The following ZBTB20 variants were observed in gnomAD, a reference collection of about 807,000 sequenced individuals.
ZBTB20 encodes the protein zinc finger and BTB domain-containing protein 20.
Under a neutral mutation model 56.9 loss-of-function variants are expected in ZBTB20, and 9 were observed. The ratio of observed to expected loss-of-function variants is 0.16; its 90% CI spans 0.10 to 0.28. The LOEUF is 0.28. Ranked by LOEUF, ZBTB20 falls within the 10% of genes least tolerant of loss-of-function variation. The pLI is 1.00. For missense variants in ZBTB20, 655 were observed against 1,003.0 expected, an observed-to-expected ratio of 0.65 and a Z score of 4.69; for synonymous variants, 417 against 420.7, an observed-to-expected ratio of 0.99 and a Z score of 0.11.
chr3:114,891,281 C>T (rs1467805254), intron 4 of ZBTB20, among the ~76,000 whole-genome samples: 1 of 152,042 alleles, frequency 6.6e-6, no homozygotes, highest in Non-Finnish European at 1.5e-5. Context: ...AATAGACTGC[C>T]TAACTTAAAA....
At chr3:114,467,946 C>T (rs971222683) in intron 7 of ZBTB20, among the ~76,000 whole-genome samples, 6 of 152,204 alleles carry the variant, frequency 3.9e-5, no homozygotes, top group African/African-American at 1.4e-4. Flanking sequence ...GCACTCCTTC[C>T]TATGGTTGGC....
At chr3:115,123,932 C>T (rs923311055) in intron 1 of ZBTB20, among the ~76,000 whole-genome samples, 4 of 152,112 alleles carry the variant, frequency 2.6e-5, no homozygotes, top group African/African-American at 7.2e-5. Flanking sequence ...TAGCACTACC[C>T]GAATAAACCC....
At chr3:114,997,762 C>T (rs1297607535) in intron 2 of ZBTB20, among the ~76,000 whole-genome samples, 2 of 151,688 alleles carry the variant, frequency 1.3e-5, no homozygotes, top group Non-Finnish European at 2.9e-5. Context: ...TTTTACAAAA[C>T]TTCATGAAAA....
chr3:115,058,440 T>C (rs1475779452), intron 2 of ZBTB20, among the ~76,000 whole-genome samples: 1 of 152,112 alleles, frequency 6.6e-6, no homozygotes, highest in Non-Finnish European at 1.5e-5. Context: ...TTTGAAATAT[T>C]TTCAGTGGCC....
chr3:114,397,573 A>G (rs1313053295), intron 7 of ZBTB20, among the ~76,000 whole-genome samples: 1 of 117,204 alleles, frequency 8.5e-6, no homozygotes, highest in Non-Finnish European at 1.9e-5. Flanking sequence ...ATCACCACAT[A>G]CCTTTTTTTT....
At chr3:114,675,579 A>G (rs1398379813) in intron 6 of ZBTB20, among the ~76,000 whole-genome samples, 1 of 152,196 alleles carries the variant, frequency 6.6e-6, no homozygotes, top group Non-Finnish European at 1.5e-5. Context: ...AGAAAAATCA[A>G]TGGGTGGGCA....
At chr3:114,916,979 A>C (rs945885633) in intron 3 of ZBTB20, among the ~76,000 whole-genome samples, 2 of 151,800 alleles carry the variant, frequency 1.3e-5, no homozygotes, top group African/African-American at 4.8e-5. Context: ...CAAACTTTCT[A>C]CCTCTACCTC....
intron 6 of ZBTB20, chr3:114,582,173 AG>A (rs1232754809): frequency 1.3e-5 from 2 of 152,184 alleles, no homozygotes; most frequent in Non-Finnish European, 2.9e-5. Flanking sequence ...GATTCTTCTT[AG>A]GTATTATAAA....
At chr3:114,532,936 T>C (rs1253335573) in intron 6 of ZBTB20, among the ~76,000 whole-genome samples, 1 of 152,062 alleles carries the variant, frequency 6.6e-6, no homozygotes, top group Non-Finnish European at 1.5e-5. Flanking sequence ...CAGAAAGGAA[T>C]AGCATCAACA....
Position 114,380,912 on chromosome 3 carries a change from T to C in ZBTB20, c.-125A>G. 1.4e-6 allele frequency: 1 copy of C among 733,466 alleles called. No individual in the cohort carries two copies. The highest frequency in any genetic ancestry group is 2.0e-6 in the Non-Finnish European group (1 of 502,374). The allele number at this position is 733,466 out of a possible 1,614,324, so 45.4% of individuals were successfully genotyped here. ...TGCTGTGTGGCCTTGGGCACCTCAC[T>C]TCACCTCTCTGGGCTTCAGTTTCCT... On this transcript the variant is annotated 5_prime_UTR_variant, in exon 9 of 12. Transcript: ENST00000675478.
chr3:114,480,304 T>C (rs2669898), intron 7 of ZBTB20, among the ~76,000 whole-genome samples: 94,431 of 151,992 alleles, frequency 0.62, 30,111 homozygotes, highest in East Asian at 0.7. Flanking sequence ...TTTCAGATGC[T>C]TTTTTTGAAT....
At chr3:114,672,489 G>T (rs1256258907) in intron 6 of ZBTB20, among the ~76,000 whole-genome samples, 2 of 152,132 alleles carry the variant, frequency 1.3e-5, no homozygotes, top group Admixed American at 1.3e-4. Flanking sequence ...CTGAAACCAA[G>T]GAACAAGCTG....
At chr3:114,555,361 T>C (rs572995716) in intron 6 of ZBTB20, among the ~76,000 whole-genome samples, 71 of 152,178 alleles carry the variant, frequency 4.7e-4, no homozygotes, top group Admixed American at 1.2e-3. Context: ...TTGTAGATAA[T>C]AGTGATGGAC....
chr3:114,686,759 T>C (rs547928288), intron 6 of ZBTB20, among the ~76,000 whole-genome samples: 1 of 152,262 alleles, frequency 6.6e-6, no homozygotes, highest in East Asian at 1.9e-4. Context: ...TCACTCTTGT[T>C]CTTGTTTTGA....
chr3:114,764,249 CTCTT>C (rs2068631887), intron 5 of ZBTB20, among the ~76,000 whole-genome samples: 2 of 89,700 alleles, frequency 2.2e-5, no homozygotes, highest in Non-Finnish European at 2.1e-5. Context: ...CTCTCTCTCT[CTCTT>C]TTTTTTTTTT....
intron 3 of ZBTB20, among the ~76,000 whole-genome samples, chr3:114,926,542 G>A (rs1275321633): frequency 6.6e-6 from 1 of 151,898 alleles, no homozygotes; most frequent in Non-Finnish European, 1.5e-5. Context: ...AGTACCAAGA[G>A]ATACAAATAA....
At chr3:114,942,735 A>G (rs1356178742) in intron 3 of ZBTB20, among the ~76,000 whole-genome samples, 3 of 146,198 alleles carry the variant, frequency 2.1e-5, no homozygotes, top group Non-Finnish European at 3.0e-5. Context: ...AACACGTTAA[A>G]GTAAGCCCTA....
At chr3:114,644,856 T>C (rs988605935) in intron 6 of ZBTB20, among the ~76,000 whole-genome samples, 5 of 152,102 alleles carry the variant, frequency 3.3e-5, no homozygotes, top group African/African-American at 1.2e-4. Flanking sequence ...TTGTGGGTAG[T>C]CAGGATAAAG....
At chr3:114,357,967 G>T (rs2081421441) in intron 10 of ZBTB20, among the ~76,000 whole-genome samples, 1 of 152,112 alleles carries the variant, frequency 6.6e-6, no homozygotes, top group African/African-American at 2.4e-5. Context: ...GCAGAAATCT[G>T]GATTATGACA....
Sources: gnomAD v4.1 joint callset for allele counts (sites outside exome capture counted in the v4.1 genomes callset) on GRCh38, gnomAD v4.1.1 for gene constraint, MANE v1.5 for transcripts, NCBI Gene and HGNC (gene_info 2026-07-23, HGNC 2026-07-21) for gene names.